Variants in FIRRM observed in about 807,000 individuals in gnomAD.
FIRRM encodes the protein FIGNL1 interacting regulator of recombination and mitosis, also known as FIGNL1-interacting regulator of recombination and mitosis.
the FIRRM span, among the ~76,000 whole-genome samples, chr1:169,847,965 T>C: frequency 1.3e-5 from 2 of 152,120 alleles, no homozygotes; most frequent in African/African-American, 2.4e-5. Flanking sequence ...TTATAACTTA[T>C]AATACAACTC....
the FIRRM span, among the ~76,000 whole-genome samples, chr1:169,788,789 G>C: frequency 1.1e-4 from 16 of 152,218 alleles, no homozygotes; most frequent in African/African-American, 3.6e-4. Flanking sequence ...ACTTTCTTTA[G>C]TAATATTTAA....
At chr1:169,795,407 A>T in the FIRRM span, 1 of 1,405,024 alleles carries the variant, frequency 7.1e-7, no homozygotes, top group East Asian at 2.6e-5. Flanking sequence ...AGATTTAAGT[A>T]AGGCTTTGGC....
At chr1:169,843,438 G>A in the FIRRM span, among the ~76,000 whole-genome samples, 2 of 152,088 alleles carry the variant, frequency 1.3e-5, no homozygotes, top group African/African-American at 4.8e-5. Flanking sequence ...TCTGCTTTTT[G>A]TCCTAGCCAT....
the FIRRM span, among the ~76,000 whole-genome samples, chr1:169,825,880 A>G: frequency 3.3e-5 from 5 of 152,332 alleles, no homozygotes; most frequent in African/African-American, 1.2e-4. Flanking sequence ...GGCAAAAAAT[A>G]TAGAATACAT....
chr1:169,815,413 G>C, the FIRRM span, among the ~76,000 whole-genome samples: 1 of 152,112 alleles, frequency 6.6e-6, no homozygotes, highest in Non-Finnish European at 1.5e-5. Context: ...ACAAGGGGTA[G>C]ATTATTCCCT....
At chr1:169,827,974 C>A in the FIRRM span, 3 of 840,874 alleles carry the variant, frequency 3.6e-6, no homozygotes, top group South Asian at 1.9e-5. Flanking sequence ...TGTGTAGACA[C>A]ACATATATAT....
the FIRRM span, chr1:169,827,799 C>G: frequency 6.2e-7 from 1 of 1,613,998 alleles, no homozygotes; most frequent in African/African-American, 1.3e-5. Context: ...AAGTGCAAAC[C>G]CTGTGGTGCA....
At chr1:169,826,894 C>T in the FIRRM span, among the ~76,000 whole-genome samples, 1 of 152,114 alleles carries the variant, frequency 6.6e-6, no homozygotes, top group African/African-American at 2.4e-5. Flanking sequence ...GGTATCAATT[C>T]AGTACTTTGA....
the FIRRM span, among the ~76,000 whole-genome samples, chr1:169,815,882 A>T: frequency 6.6e-6 from 1 of 152,192 alleles, no homozygotes; most frequent in South Asian, 2.1e-4. Flanking sequence ...GGACAAATAG[A>T]CATCTTCTAT....
At chr1:169,796,913 GC>G in the FIRRM span, among the ~76,000 whole-genome samples, 1 of 152,134 alleles carries the variant, frequency 6.6e-6, no homozygotes, top group South Asian at 2.1e-4. Context: ...CCTTAGAGGG[GC>G]TTTTTCAGAG....
At chr1:169,817,121 T>TA in the FIRRM span, among the ~76,000 whole-genome samples, 655 of 144,878 alleles carry the variant, frequency 4.5e-3, 6 homozygotes, top group African/African-American at 0.014. Context: ...AAACAAAAAG[T>TA]AAAAAAAAAA....
the FIRRM span, chr1:169,827,270 C>T: frequency 7.9e-7 from 1 of 1,260,790 alleles, no homozygotes; most frequent in East Asian, 2.4e-5. Context: ...TTCCCCTAGC[C>T]ATTCTTTTTT....
the FIRRM span, among the ~76,000 whole-genome samples, chr1:169,784,190 C>T: frequency 6.6e-6 from 1 of 152,152 alleles, no homozygotes; most frequent in Non-Finnish European, 1.5e-5. Context: ...TAAAGTTCAG[C>T]AGTGTTGTTC....
chr1:169,792,589 C>G, the FIRRM span: 1 of 1,544,178 alleles, frequency 6.5e-7, no homozygotes, highest in Non-Finnish European at 8.7e-7. Flanking sequence ...AACCAGGAAA[C>G]TTAAAAGTTA....
chr1:169,853,033 A>T, the FIRRM span: 1 of 1,574,658 alleles, frequency 6.4e-7, no homozygotes, highest in Non-Finnish European at 8.7e-7. Context: ...GTCAACTGAA[A>T]ATACTTATGT....
the FIRRM span, chr1:169,830,710 A>G: frequency 1.2e-6 from 2 of 1,613,880 alleles, no homozygotes; most frequent in Admixed American, 3.3e-5. Flanking sequence ...GGGACTGCTG[A>G]ACTGTGTGCA....
chr1:169,842,686 ACT>A, the FIRRM span: 173 of 858,558 alleles, frequency 2.0e-4, no homozygotes, highest in African/African-American at 2.7e-3. Context: ...AAGTACCTGT[ACT>A]CTCTCACGCA....
At chr1:169,819,557 A>G in the FIRRM span, among the ~76,000 whole-genome samples, 1 of 152,356 alleles carries the variant, frequency 6.6e-6, no homozygotes, top group Non-Finnish European at 1.5e-5. Flanking sequence ...CATGAGGAAA[A>G]TAGAGGTTTT....
the FIRRM span, chr1:169,823,450 C>A: frequency 6.2e-7 from 1 of 1,602,224 alleles, no homozygotes; most frequent in South Asian, 1.1e-5. Context: ...TACTTTGCAC[C>A]AACTGTATCT....
Sources: allele counts gnomAD v4.1 joint callset (sites outside exome capture counted in the v4.1 genomes callset), GRCh38; gene constraint gnomAD v4.1.1; transcripts MANE v1.5; gene names NCBI Gene and HGNC (gene_info 2026-07-23, HGNC 2026-07-21).